The following PLD6 variants were observed in gnomAD, a reference collection of about 807,000 sequenced individuals.
PLD6 encodes mitochondrial cardiolipin hydrolase.
A neutral mutation model predicts 9.7 loss-of-function variants in PLD6; 10 were observed. That is an observed-to-expected ratio of 1.03 (90% CI 0.64 to 1.75). PLD6 has a LOEUF of 1.75. Among genes scored for constraint, PLD6 ranks in the 40% most tolerant of loss-of-function variants. PLD6 has a pLI of 0.00. For synonymous variants in PLD6, 152 were observed against 159.2 expected (o/e 0.96, Z 0.34); for missense variants, 334 against 347.6 (o/e 0.96, Z 0.31).
Position 17,201,218 on chromosome 17 carries a change from CTG to C in PLD6, c.*1547_*1548del, listed in dbSNP as rs1281840806. 1 of 152,258 alleles carries C rather than the reference CTG, an allele frequency of 6.6e-6. No homozygotes were observed. The highest frequency in any genetic ancestry group is 1.5e-5 in the Non-Finnish European group (1 of 68,056). 9.4% of individuals were successfully genotyped at this position (152,258 alleles called of 1,614,324 possible). On this transcript the variant is annotated 3_prime_UTR_variant, in exon 2 of 2. Transcript: ENST00000321560. ...AACTTCCAAGCTGGCTTGCCTAACA[CTG>C]TGAGTCAAAAGTAACCCTAAAAAGG...
Position 17,205,879 on chromosome 17 carries a change from G to T in PLD6, c.408C>A (p.Ile136=), listed in dbSNP as rs1232541529. The T allele has an allele frequency of 9.5e-6, 15 of 1,572,930 alleles. No individual in the cohort carries two copies. The highest frequency in any genetic ancestry group is 1.3e-5 in the Non-Finnish European group (15 of 1,160,394). Residue 136 remains isoleucine, a synonymous_variant, in exon 1 of 2, where the codon ATC becomes ATA. Transcript: ENST00000321560. ...CDYMALNGSQ[I]GLLRKAGIQV... is the part of the protein sequence containing the mutation. ...GCCTACCTGCCTTGCGCAGCAGACC[G>T]ATTTGCGAGCCGTTGAGGGCCATGT...
intron 1 of PLD6, among the ~76,000 whole-genome samples, chr17:17,205,636 G>A (rs2046711918): frequency 6.6e-6 from 1 of 152,216 alleles, no homozygotes. Flanking sequence ...CCCCCACCGC[G>A]GAGGCACCGA....
rs1342953870 is a variant in PLD6, at chr17:17,202,030, G to A, written c.*737C>T. 2.0e-5 allele frequency: 3 copies of A among 152,142 alleles called. No individual in the cohort carries two copies. The highest frequency in any genetic ancestry group is 7.2e-5 in the African/African-American group (3 of 41,426). 9.4% of individuals were successfully genotyped at this position (152,142 alleles called of 1,614,324 possible). On this transcript the variant is annotated 3_prime_UTR_variant, in exon 2 of 2. Coordinates refer to ENST00000321560, the MANE Select transcript of PLD6 (RefSeq NM_178836.4). The stretch of plus-strand genomic sequence containing the variant: ...ATAAATAAAATAAAAAAAGTTAAAA[G>A]CCCAACATAGAAACAGCTGCTGGCC...
At chr17:17,205,639 G>C (rs1373027740) in intron 1 of PLD6, among the ~76,000 whole-genome samples, 1 of 152,254 alleles carries the variant, frequency 6.6e-6, no homozygotes, top group Non-Finnish European at 1.5e-5. Flanking sequence ...CCACCGCGGA[G>C]GCACCGAGGG....
chr17:17,202,853 T>C lies in PLD6; in HGVS notation c.673A>G (p.Ser225Gly). 1 of 1,614,182 alleles carries C rather than the reference T, an allele frequency of 6.2e-7. No homozygotes were observed. Among genetic ancestry groups the C allele is most frequent in the Non-Finnish European group, 8.5e-7 (1 of 1,180,030 alleles). Reference protein sequence around the residue: ...TFFPPKKSHGSCAPPVSRAGG... With the variant: ...TFFPPKKSHGGCAPPVSRAGG... ...GCTCTGGAGACAGGTGGGGCACAGC[T>C]TCCGTGACTTTTCTTTGGTGGGAAA... is the stretch of plus-strand genomic sequence containing the variant. The change falls in exon 2 of 2, where the codon AGC (serine) becomes GGC (glycine). Residue 225 changes from serine to glycine, a missense_variant. Ser to Gly is a moderately conservative substitution (Grantham distance 56, BLOSUM62 0). Coordinates refer to ENST00000321560, the MANE Select transcript of PLD6 (RefSeq NM_178836.4).
intron 1 of PLD6, among the ~76,000 whole-genome samples, chr17:17,205,453 G>A (rs2046709313): frequency 6.6e-6 from 1 of 152,324 alleles, no homozygotes; most frequent in South Asian, 2.1e-4. Context: ...CAGGTTACCA[G>A]AGGCCGTCCG....
intron 1 of PLD6, among the ~76,000 whole-genome samples, chr17:17,204,797 A>G (rs1447157619): frequency 1.3e-5 from 2 of 152,176 alleles, no homozygotes; most frequent in East Asian, 3.8e-4. Context: ...CATCCTCAAT[A>G]TGAAAACCAC....
At chr17:17,205,381 G>C (rs1299213718) in intron 1 of PLD6, among the ~76,000 whole-genome samples, 2 of 152,162 alleles carry the variant, frequency 1.3e-5, no homozygotes, top group Non-Finnish European at 2.9e-5. Context: ...CCTCTCCCCA[G>C]AGCCCTTCAG....
chr17:17,205,564 T>C (rs2046711195), intron 1 of PLD6, among the ~76,000 whole-genome samples: 1 of 152,196 alleles, frequency 6.6e-6, no homozygotes, highest in Non-Finnish European at 1.5e-5. Context: ...GCTCCGCCTC[T>C]AACCCGGCAC....
chr17:17,202,679 T>C lies in PLD6; in HGVS notation c.*88A>G. The C allele has an allele frequency of 7.7e-7, 1 of 1,292,998 alleles. No homozygotes were observed. The highest frequency in any genetic ancestry group is 2.3e-5 in the Admixed American group (1 of 44,136). The allele number at this position is 1,292,998 out of a possible 1,614,324, so 80.1% of individuals were successfully genotyped here. A position where few individuals can be genotyped will look rare whatever the true frequency, so the allele number is the denominator to read the frequency against. Reference sequence around the variant, plus strand: ...AATTTAGTATTCTAATAGACGAGACTTTAGTTTAACGATTTTTTTCTAGTG... The same window carrying C: ...AATTTAGTATTCTAATAGACGAGACCTTAGTTTAACGATTTTTTTCTAGTG... On this transcript the variant is annotated 3_prime_UTR_variant, in exon 2 of 2. Coordinates refer to ENST00000321560, the MANE Select transcript of PLD6 (RefSeq NM_178836.4).
intron 1 of PLD6, among the ~76,000 whole-genome samples, chr17:17,204,593 G>A (rs1277278024): frequency 6.6e-6 from 1 of 152,198 alleles, no homozygotes; most frequent in East Asian, 1.9e-4. Flanking sequence ...GATGCTGGGA[G>A]GCCATCCCAG....
chr17:17,202,502 G>T lies in PLD6; in HGVS notation c.*265C>A, dbSNP rs1039118305. 4.4e-5 allele frequency: 20 copies of T among 459,064 alleles called. No homozygotes were observed. The highest frequency in any genetic ancestry group is 5.1e-5 in the Non-Finnish European group (13 of 253,712). The allele number at this position is 459,064 out of a possible 1,614,324, so 28.4% of individuals were successfully genotyped here. A position where few individuals can be genotyped will look rare whatever the true frequency, so the allele number is the denominator to read the frequency against. ...TTTTCTGTGCTGTAGCAGAAGTTTC[G>T]ATTCCAAACCAAGATACGGACCACA... On this transcript the variant is annotated 3_prime_UTR_variant, in exon 2 of 2. Coordinates refer to ENST00000321560, the MANE Select transcript of PLD6 (RefSeq NM_178836.4).
At chr17:17,204,807 C>T (rs745909916) in intron 1 of PLD6, among the ~76,000 whole-genome samples, 2 of 152,224 alleles carry the variant, frequency 1.3e-5, no homozygotes, top group African/African-American at 4.8e-5. Context: ...ATGAAAACCA[C>T]GTGCCCCACT....
chr17:17,204,565 A>C (rs983311237), intron 1 of PLD6: 6 of 152,314 alleles, frequency 3.9e-5, no homozygotes, highest in African/African-American at 1.4e-4. Flanking sequence ...GCCACTGGAC[A>C]GCCTCGAAGT....
rs1313611102 is a variant in PLD6, at chr17:17,201,106, G to A, written c.*1661C>T. ...CCATTTTCTTTTCAGAACATACACT[G>A]GGGGAATTCACAAACTAAAACAATT... On this transcript the variant is annotated 3_prime_UTR_variant, in exon 2 of 2. Coordinates refer to ENST00000321560, the MANE Select transcript of PLD6 (RefSeq NM_178836.4). 1 of 152,226 alleles carries A rather than the reference G, an allele frequency of 6.6e-6. No individual in the cohort carries two copies. Among genetic ancestry groups the A allele is most frequent in the Non-Finnish European group, 1.5e-5 (1 of 68,052 alleles). 9.4% of individuals were successfully genotyped at this position (152,226 alleles called of 1,614,324 possible).
At chr17:17,204,768 T>C (rs1218122382) in intron 1 of PLD6, among the ~76,000 whole-genome samples, 1 of 152,170 alleles carries the variant, frequency 6.6e-6, no homozygotes, top group African/African-American at 2.4e-5. Flanking sequence ...CTCTTGTGGC[T>C]GCCCCAAAGA....
chr17:17,204,166 C>T (rs113325682), intron 1 of PLD6, among the ~76,000 whole-genome samples: 59 of 152,342 alleles, frequency 3.9e-4, no homozygotes, highest in Non-Finnish European at 4.1e-4. Flanking sequence ...CCCACCTCCC[C>T]GTCCCCTCCC....
intron 1 of PLD6, among the ~76,000 whole-genome samples, chr17:17,205,625 G>A (rs2046711746): frequency 6.6e-6 from 1 of 152,214 alleles, no homozygotes; most frequent in South Asian, 2.1e-4. Flanking sequence ...TGAGAGAACC[G>A]CCCCCACCGC....
intron 1 of PLD6, among the ~76,000 whole-genome samples, chr17:17,205,384 C>A (rs1399203883): frequency 6.6e-6 from 1 of 152,184 alleles, no homozygotes; most frequent in African/African-American, 2.4e-5. Flanking sequence ...CTCCCCAGAG[C>A]CCTTCAGTCT....
Sources: allele counts gnomAD v4.1 joint callset (sites outside exome capture counted in the v4.1 genomes callset), GRCh38; gene constraint gnomAD v4.1.1; transcripts MANE v1.5; gene names NCBI Gene and HGNC (gene_info 2026-07-23, HGNC 2026-07-21).